CYP19A1: variants seen among roughly 807,000 people sequenced by gnomAD.
The protein encoded by CYP19A1 is cytochrome P450 family 19 subfamily A member 1.
CYP19A1 carries 32 observed loss-of-function variants against 44.4 expected under a neutral mutation model. The observed-to-expected ratio is 0.72, with a 90% CI of 0.54 to 0.97. The LOEUF (loss-of-function observed/expected upper bound fraction) is 0.97, where lower values mean the gene tolerates loss of function less well. Ranked by LOEUF, CYP19A1 falls within the 50% of genes least tolerant of loss-of-function variation. CYP19A1 has a pLI of 0.00. For missense variants in CYP19A1, 598 were observed against 637.8 expected (o/e 0.94, Z 0.67); for synonymous variants, 212 against 215.6 (o/e 0.98, Z 0.14).
At chr15:51,279,209 A>T (rs1488793058) in intron 1 of CYP19A1, 1 of 152,250 alleles carries the variant, frequency 6.6e-6, no homozygotes, top group Non-Finnish European at 1.5e-5. Context: ...GTACCTAGTG[A>T]TTTAAAGATT....
chr15:51,324,972 G>A (rs1384650513), intron 1 of CYP19A1, among the ~76,000 whole-genome samples: 2 of 152,150 alleles, frequency 1.3e-5, no homozygotes, highest in Non-Finnish European at 2.9e-5. Context: ...GATAAATAAA[G>A]AAAATACTTC....
At chr15:51,325,984 G>T (rs1490314841) in intron 1 of CYP19A1, among the ~76,000 whole-genome samples, 1 of 151,812 alleles carries the variant, frequency 6.6e-6, no homozygotes, top group Non-Finnish European at 1.5e-5. Flanking sequence ...TTATAATAAA[G>T]TGTTGAATAG....
At chr15:51,262,871 T>TA (rs1330672804) in intron 1 of CYP19A1, among the ~76,000 whole-genome samples, 2 of 151,644 alleles carry the variant, frequency 1.3e-5, no homozygotes, top group Non-Finnish European at 2.9e-5. Context: ...AAGTGGTGAA[T>TA]AAAAAAAAGA....
chr15:51,255,987 T>G (rs918123696), intron 1 of CYP19A1, among the ~76,000 whole-genome samples: 2 of 152,214 alleles, frequency 1.3e-5, no homozygotes, highest in Non-Finnish European at 2.9e-5. Context: ...CAGAGTATCA[T>G]TGCCCAATTT....
At chr15:51,229,186 A>G (rs75507836) in intron 3 of CYP19A1, among the ~76,000 whole-genome samples, 2,583 of 152,230 alleles carry the variant, frequency 0.017, 66 homozygotes, top group African/African-American at 0.06. Flanking sequence ...AGCCCCTGAA[A>G]TAATGGTAGT....
rs759803650 is a variant in CYP19A1, at chr15:51,215,208, T to G, written c.883A>C (p.Asn295His). The change falls in exon 8 of 10, where the codon AAT (asparagine) becomes CAT (histidine). Residue 295 changes from asparagine (N) to histidine (H), a missense_variant. Coordinates refer to ENST00000396402, the MANE Select transcript of CYP19A1 (RefSeq NM_000103.4). The part of the protein sequence containing the change: ...AEKRGDLTRE[N>H]VNQCILEMLI... ...ATTTCCAATATGCACTGGTTCACAT[T>G]CTCTCTTGTCAGGTCACCACGTTTC... The G allele has an allele frequency of 6.2e-7, 1 of 1,614,068 alleles. No homozygotes were observed. Among genetic ancestry groups the G allele is most frequent in the Non-Finnish European group, 8.5e-7 (1 of 1,179,982 alleles).
At chr15:51,335,560 C>T (rs1287985758) in intron 1 of CYP19A1, among the ~76,000 whole-genome samples, 1 of 152,192 alleles carries the variant, frequency 6.6e-6, no homozygotes, top group Non-Finnish European at 1.5e-5. Context: ...TACCTTTTTA[C>T]ATACAGATGA....
intron 1 of CYP19A1, among the ~76,000 whole-genome samples, chr15:51,337,126 A>G (rs1189303879): frequency 1.3e-5 from 2 of 152,218 alleles, no homozygotes; most frequent in African/African-American, 4.8e-5. Flanking sequence ...AAAAGCATCT[A>G]CAAAGTGTGA....
chr15:51,310,082 C>G (rs2036284730), intron 1 of CYP19A1, among the ~76,000 whole-genome samples: 1 of 152,178 alleles, frequency 6.6e-6, no homozygotes, highest in African/African-American at 2.4e-5. Flanking sequence ...GGGATTCTGT[C>G]CGTGAAAGTC....
intron 1 of CYP19A1, chr15:51,277,220 G>A (rs2035345522): frequency 6.6e-6 from 1 of 152,074 alleles, no homozygotes; most frequent in Non-Finnish European, 1.5e-5. Flanking sequence ...TCAATTAGGA[G>A]GATTTTTATT....
chr15:51,241,582 A>T (rs2033770873), intron 2 of CYP19A1, among the ~76,000 whole-genome samples: 1 of 151,510 alleles, frequency 6.6e-6, no homozygotes, highest in Non-Finnish European at 1.5e-5. Flanking sequence ...CCATTCACTG[A>T]CCCTGACCTA....
intron 1 of CYP19A1, among the ~76,000 whole-genome samples, chr15:51,303,554 T>G (rs970823225): frequency 2.2e-5 from 3 of 135,844 alleles, no homozygotes; most frequent in Non-Finnish European, 4.7e-5. Flanking sequence ...TGTAGGTGGG[T>G]TTTTTTTTTT....
At position 51,266,634 on chromosome 15, in the gene CYP19A1, A is replaced by G. The variant is rs28757141; in HGVS notation, c.-38-23684T>C. Reference sequence around the variant, plus strand: ...TCCATGGGTTTACTTCATTTGTAGCACATGTTTCCTAAAAACAGCTCATCT... The same window carrying G: ...TCCATGGGTTTACTTCATTTGTAGCGCATGTTTCCTAAAAACAGCTCATCT... On this transcript the variant is annotated intron_variant, in intron 1 of 9. Coordinates refer to ENST00000396402, the MANE Select transcript of CYP19A1 (RefSeq NM_000103.4). Among the ~76,000 whole-genome samples, 596 of 152,366 alleles carry G rather than the reference A, an allele frequency of 3.9e-3. 9 individuals carry two copies. The highest frequency in any genetic ancestry group is 0.014 in the African/African-American group (583 of 41,578).
chr15:51,248,884 C>T (rs763549104), intron 1 of CYP19A1, among the ~76,000 whole-genome samples: 15 of 152,018 alleles, frequency 9.9e-5, no homozygotes, highest in Admixed American at 2.0e-4. Context: ...CAATCCTCTG[C>T]TAAAAACCTT....
chr15:51,211,964 TA>T (rs1566867654), intron 9 of CYP19A1, among the ~76,000 whole-genome samples: 1 of 152,194 alleles, frequency 6.6e-6, no homozygotes, highest in Non-Finnish European at 1.5e-5. Context: ...CAGATGGTGC[TA>T]TAGCTGAATG....
chr15:51,249,232 T>C (rs900348005), intron 1 of CYP19A1, among the ~76,000 whole-genome samples: 5 of 152,130 alleles, frequency 3.3e-5, no homozygotes, highest in African/African-American at 1.2e-4. Context: ...TGAGCCACCA[T>C]GTCCGACCCC....
intron 1 of CYP19A1, among the ~76,000 whole-genome samples, chr15:51,324,595 A>ATAAACT (rs1438905659): frequency 6.6e-6 from 1 of 152,286 alleles, no homozygotes; most frequent in African/African-American, 2.4e-5. Flanking sequence ...ATAAAATAAT[A>ATAAACT]TAAACTAAAA....
At chr15:51,303,550 T>TG (rs1441635464) in intron 1 of CYP19A1, among the ~76,000 whole-genome samples, 1 of 151,008 alleles carries the variant, frequency 6.6e-6, no homozygotes, top group Non-Finnish European at 1.5e-5. Flanking sequence ...GAGATGTAGG[T>TG]GGGTTTTTTT....
At chr15:51,215,022 C>G in intron 8 of CYP19A1, 48 bp downstream of exon 8, 1 of 1,569,030 alleles carries the variant, frequency 6.4e-7, no homozygotes, top group Non-Finnish European at 8.7e-7. Context: ...AATGGACATT[C>G]AGAAGAAATT....
Sources: gnomAD v4.1 joint callset for allele counts (sites outside exome capture counted in the v4.1 genomes callset) on GRCh38, gnomAD v4.1.1 for gene constraint, MANE v1.5 for transcripts, NCBI Gene and HGNC (gene_info 2026-07-23, HGNC 2026-07-21) for gene names.